TNFRSF19: variants seen among roughly 807,000 people sequenced by gnomAD.
TNFRSF19 encodes the protein TNF receptor superfamily member 19, also known as tumor necrosis factor receptor superfamily member 19.
Under a neutral mutation model 46.4 loss-of-function variants are expected in TNFRSF19, and 27 were observed. The observed-to-expected ratio is 0.58, with a 90% CI of 0.43 to 0.80. The LOEUF (loss-of-function observed/expected upper bound fraction) is 0.80. Ranked by LOEUF, TNFRSF19 falls within the 30% of genes least tolerant of loss-of-function variation. TNFRSF19 has a pLI of 0.00. For missense variants in TNFRSF19, 511 were observed against 530.8 expected (o/e 0.96, Z 0.37); for synonymous variants, 204 against 205.0 (o/e 1.00, Z 0.04).
intron 5 of TNFRSF19, among the ~76,000 whole-genome samples, chr13:23,644,741 G>A (rs922013401): frequency 6.6e-6 from 1 of 152,202 alleles, no homozygotes; most frequent in African/African-American, 2.4e-5. Flanking sequence ...ACTGCGGTGA[G>A]CTGTCCTAAA....
chr13:23,573,414 A>G (rs1202262534), intron 1 of TNFRSF19, among the ~76,000 whole-genome samples: 2 of 152,214 alleles, frequency 1.3e-5, no homozygotes, highest in East Asian at 1.9e-4. Flanking sequence ...TTTAACACGT[A>G]AAATAATTTT....
At chr13:23,616,893 A>T (rs868480375) in intron 4 of TNFRSF19, among the ~76,000 whole-genome samples, 1 of 152,132 alleles carries the variant, frequency 6.6e-6, no homozygotes, top group South Asian at 2.1e-4. Flanking sequence ...ATAGGGTTTT[A>T]AAAAATATTT....
In TNFRSF19 at chr13:23,660,509, T is replaced by G. The variant is rs1884296186; in HGVS notation, c.736+19T>G. Reference sequence around the variant, plus strand: ...ACCTGCGGTAAGTTCAGCAGGGAAGTGCCGTTAGGAGGACTGGAGGTACAC... The same window carrying G: ...ACCTGCGGTAAGTTCAGCAGGGAAGGGCCGTTAGGAGGACTGGAGGTACAC... On this transcript the variant is annotated intron_variant, in intron 7 of 9. Coordinates refer to ENST00000248484, the MANE Select transcript of TNFRSF19 (RefSeq NM_148957.4). 6.2e-7 allele frequency: 1 copy of G among 1,610,192 alleles called. No individual in the cohort carries two copies. Among genetic ancestry groups the G allele is most frequent in the Non-Finnish European group, 8.5e-7 (1 of 1,178,804 alleles).
chr13:23,626,127 G>A (rs7338164), intron 4 of TNFRSF19, among the ~76,000 whole-genome samples: 103,909 of 151,460 alleles, frequency 0.69, 36,021 homozygotes, highest in Middle Eastern at 0.75. Context: ...TTGTTTGCCC[G>A]TTACCTATTA....
At chr13:23,609,565 G>A (rs1880754424) in intron 3 of TNFRSF19, among the ~76,000 whole-genome samples, 1 of 152,116 alleles carries the variant, frequency 6.6e-6, no homozygotes. Context: ...ACTAGTTTTT[G>A]CATGAACCAC....
At chr13:23,609,304 G>C (rs1429460042) in intron 3 of TNFRSF19, among the ~76,000 whole-genome samples, 1 of 152,106 alleles carries the variant, frequency 6.6e-6, no homozygotes, top group Non-Finnish European at 1.5e-5. Flanking sequence ...CCCATAAGTA[G>C]TACCTGCTGG....
chr13:23,571,226 C>A (rs936007916), intron 1 of TNFRSF19, among the ~76,000 whole-genome samples: 10 of 152,196 alleles, frequency 6.6e-5, no homozygotes, highest in African/African-American at 2.2e-4. Context: ...ACAGTCAGTG[C>A]AACTTTGCTT....
intron 4 of TNFRSF19, among the ~76,000 whole-genome samples, chr13:23,625,989 C>A (rs1881976008): frequency 6.6e-6 from 1 of 151,916 alleles, no homozygotes; most frequent in Non-Finnish European, 1.5e-5. Flanking sequence ...AAACATTCTT[C>A]TTTTGGGAAT....
chr13:23,671,125 T>C (rs1951756489), intron 9 of TNFRSF19, among the ~76,000 whole-genome samples: 1 of 152,164 alleles, frequency 6.6e-6, no homozygotes, highest in Non-Finnish European at 1.5e-5. Context: ...GAACATGATA[T>C]TTTAGAAACA....
rs1882049379 is a variant in TNFRSF19 at position 23,626,849 on chromosome 13, TA to T, written c.445+60del. ...GGACGCCTGGCCTTTTGAAAAAGTT[TA>T]AATTTGTAAACGTTTCTTCTCTGGC... On this transcript the variant is annotated intron_variant, in intron 5 of 9. Transcript: ENST00000248484. 17 of 1,562,240 alleles carry T rather than the reference TA, an allele frequency of 1.1e-5. No homozygotes were observed. The South Asian group carries it at 1.9e-4, about 18-fold the overall frequency.
chr13:23,662,067 T>C (rs922342135), intron 7 of TNFRSF19, among the ~76,000 whole-genome samples: 3 of 152,236 alleles, frequency 2.0e-5, no homozygotes, highest in Non-Finnish European at 2.9e-5. Context: ...ATTTTTGCTT[T>C]TGTTGTGATT....
intron 5 of TNFRSF19, among the ~76,000 whole-genome samples, chr13:23,657,417 A>G (rs886138618): frequency 2.0e-5 from 3 of 152,200 alleles, no homozygotes; most frequent in African/African-American, 7.2e-5. Flanking sequence ...ATCTTGTACA[A>G]ATATAGACAC....
chr13:23,590,542 C>T (rs1181225862), intron 2 of TNFRSF19, among the ~76,000 whole-genome samples: 1 of 152,116 alleles, frequency 6.6e-6, no homozygotes, highest in Non-Finnish European at 1.5e-5. Context: ...ACCATGTTGT[C>T]CAGGCTGGTC....
At chr13:23,624,770 G>A (rs1372540439) in intron 4 of TNFRSF19, among the ~76,000 whole-genome samples, 2 of 147,742 alleles carry the variant, frequency 1.4e-5, no homozygotes, top group African/African-American at 2.5e-5. Flanking sequence ...TTTTTTTTGA[G>A]GTGGAGTTTC....
intron 4 of TNFRSF19, among the ~76,000 whole-genome samples, chr13:23,621,914 G>A (rs1881683077): frequency 6.6e-6 from 1 of 152,098 alleles, no homozygotes; most frequent in Non-Finnish European, 1.5e-5. Flanking sequence ...TCGCACCACT[G>A]CACTCCAGCC....
intron 3 of TNFRSF19, among the ~76,000 whole-genome samples, chr13:23,596,899 T>C (rs1879771014): frequency 6.6e-6 from 1 of 152,132 alleles, no homozygotes; most frequent in South Asian, 2.1e-4. Flanking sequence ...CATAACAGTC[T>C]CTCAGACCAC....
At chr13:23,608,910 G>T (rs1234292656) in intron 3 of TNFRSF19, among the ~76,000 whole-genome samples, 1 of 152,082 alleles carries the variant, frequency 6.6e-6, no homozygotes, top group Non-Finnish European at 1.5e-5. Flanking sequence ...TCTGAGCTAC[G>T]CTCGACCTTG....
At chr13:23,576,597 C>G (rs930002231) in intron 1 of TNFRSF19, among the ~76,000 whole-genome samples, 8 of 152,100 alleles carry the variant, frequency 5.3e-5, no homozygotes, top group African/African-American at 1.9e-4. Context: ...CTCTTGGATA[C>G]CAAAATCTGC....
In TNFRSF19 at chr13:23,669,281, C is replaced by G. The variant is rs909892844; in HGVS notation, c.1245+184C>G. On this transcript the variant is annotated intron_variant, in intron 9 of 9. Coordinates refer to ENST00000248484, the MANE Select transcript of TNFRSF19 (RefSeq NM_148957.4). ...GTATTTTTTTAAAAAACTAACACAG[C>G]TAATATATAAGAGCAAAGTGGACAG... 4.1e-5 allele frequency: 58 copies of G among 1,409,490 alleles called. No individual in the cohort carries two copies. In the Middle Eastern group the frequency reaches 1.3e-3, roughly 32 times the overall value. The allele number at this position is 1,409,490 out of a possible 1,614,324, so 87.3% of individuals were successfully genotyped here.
Sources: gnomAD v4.1 joint callset for allele counts (sites outside exome capture counted in the v4.1 genomes callset) on GRCh38, gnomAD v4.1.1 for gene constraint, MANE v1.5 for transcripts, NCBI Gene and HGNC (gene_info 2026-07-23, HGNC 2026-07-21) for gene names.